Variants in TRAK2 observed in about 807,000 individuals in gnomAD.
TRAK2 encodes the protein trafficking kinesin-binding protein 2.
A neutral mutation model predicts 104.6 loss-of-function variants in TRAK2; 81 were observed. The ratio of observed to expected loss-of-function variants is 0.77; its 90% CI spans 0.65 to 0.93. The LOEUF is 0.93. Ranked by LOEUF, TRAK2 falls within the 40% of genes least tolerant of loss-of-function variation. The pLI is 0.00. For synonymous variants in TRAK2, 406 were observed against 394.4 expected (o/e 1.03, Z -0.35); for missense variants, 1,002 against 1,089.0 (o/e 0.92, Z 1.12).
chr2:201,406,552 CCAA>C (rs1951596530), intron 3 of TRAK2, among the ~76,000 whole-genome samples: 1 of 152,168 alleles, frequency 6.6e-6, no homozygotes. Flanking sequence ...TAGTCCTTCT[CCAA>C]CGACAATCTG....
chr2:201,451,189 T>C (rs957001241), intron 1 of TRAK2, among the ~76,000 whole-genome samples, 161 bp downstream of exon 1: 1 of 152,140 alleles, frequency 6.6e-6, no homozygotes, highest in East Asian at 1.9e-4. Flanking sequence ...AACCCACGCC[T>C]CACCGCGGGA....
At chr2:201,437,093 G>A (rs1951884644) in intron 1 of TRAK2, among the ~76,000 whole-genome samples, 2 of 152,284 alleles carry the variant, frequency 1.3e-5, no homozygotes, top group South Asian at 4.1e-4. Context: ...GTTACTTTTT[G>A]AGGGAGAATT....
Position 201,386,491 on chromosome 2 carries a change from A to G in TRAK2, c.1697-7T>C. ...TGATACAGAGTTTGTGATCCTGAAT[A>G]TGCAAAACAAAGGAAGGGGAAAGGC... On this transcript the variant is annotated splice_polypyrimidine_tract_variant and splice_region_variant and intron_variant, in intron 13 of 15. Transcript: ENST00000332624. 1 of 1,612,088 alleles carries G rather than the reference A, an allele frequency of 6.2e-7. No individual in the cohort carries two copies. Among genetic ancestry groups the G allele is most frequent in the Non-Finnish European group, 8.5e-7 (1 of 1,178,268 alleles).
At chr2:201,414,765 A>C (rs1210285295) in intron 2 of TRAK2, among the ~76,000 whole-genome samples, 1 of 152,094 alleles carries the variant, frequency 6.6e-6, no homozygotes, top group African/African-American at 2.4e-5. Context: ...AGAGATTGTC[A>C]TTTTAATACT....
At chr2:201,444,492 T>A (rs909123533) in intron 1 of TRAK2, among the ~76,000 whole-genome samples, 3 of 151,606 alleles carry the variant, frequency 2.0e-5, no homozygotes, top group African/African-American at 7.3e-5. Flanking sequence ...TCTCTCTTGT[T>A]CTCTATATGC....
At chr2:201,385,327 A>G (rs934188556) in intron 14 of TRAK2, among the ~76,000 whole-genome samples, 1 of 151,790 alleles carries the variant, frequency 6.6e-6, no homozygotes, top group Non-Finnish European at 1.5e-5. Flanking sequence ...GATACGACCA[A>G]TGCATTTAAT....
At chr2:201,418,705 T>C (rs915677603) in intron 2 of TRAK2, among the ~76,000 whole-genome samples, 6 of 152,018 alleles carry the variant, frequency 3.9e-5, no homozygotes, top group African/African-American at 1.4e-4. Context: ...CAATGAAATA[T>C]CCAATTGGAA....
In TRAK2 at chr2:201,386,258, G is replaced by T. The variant is rs1447565200; in HGVS notation, c.1923C>A (p.Ile641=). 6.2e-7 allele frequency: 1 copy of T among 1,614,050 alleles called. No homozygotes were observed. Among genetic ancestry groups the T allele is most frequent in the Non-Finnish European group, 8.5e-7 (1 of 1,180,016 alleles). The stretch of plus-strand genomic sequence containing the variant: ...CTGCTGAAGTAATGGGTGGCAGGAA[G>T]ATCCCTGTTACTGGCTTGGATGTTG... ...KLSTSKPVTG[I]FLPPITSAGG... The change falls in exon 14 of 16, where the codon ATC becomes ATA. Residue 641 remains isoleucine (I), a synonymous_variant. Coordinates refer to ENST00000332624, the MANE Select transcript of TRAK2 (RefSeq NM_015049.3).
At chr2:201,388,227 T>C (rs1368626162) in intron 12 of TRAK2, among the ~76,000 whole-genome samples, 1 of 152,242 alleles carries the variant, frequency 6.6e-6, no homozygotes, top group Non-Finnish European at 1.5e-5. Flanking sequence ...TAATACTTTA[T>C]TGATATTCTG....
At chr2:201,382,153 A>G (rs145140389) in intron 15 of TRAK2, among the ~76,000 whole-genome samples, 3 of 152,316 alleles carry the variant, frequency 2.0e-5, no homozygotes, top group African/African-American at 7.2e-5. Flanking sequence ...TACTTTTATA[A>G]TAATCAAATG....
chr2:201,395,314 T>C lies in TRAK2; in HGVS notation c.900A>G (p.Glu300=), dbSNP rs888238721. 1 of 1,601,930 alleles carries C rather than the reference T, an allele frequency of 6.2e-7. No individual in the cohort carries two copies. The highest frequency in any genetic ancestry group is 8.5e-7 in the Non-Finnish European group (1 of 1,170,910). The change falls in exon 8 of 16, where the codon GAA becomes GAG. Residue 300 remains glutamate (E), a splice_region_variant and synonymous_variant. Coordinates refer to ENST00000332624, the MANE Select transcript of TRAK2 (RefSeq NM_015049.3). ...QIVDLQHKLK[E]HVIEKEELKL... The stretch of plus-strand genomic sequence containing the variant: ...CTGTTGAATGAATGAATAAACCTAC[T>C]TCTTTAAGTTTGTGCTGAAGGTCTA...
chr2:201,404,151 T>C (rs1416643851), intron 3 of TRAK2, among the ~76,000 whole-genome samples: 1 of 152,206 alleles, frequency 6.6e-6, no homozygotes, highest in African/African-American at 2.4e-5. Context: ...TTAGACATTG[T>C]AATTAAATGC....
Position 201,387,993 on chromosome 2 carries a change from T to G in TRAK2, c.1406A>C (p.Gln469Pro). 1 of 1,614,122 alleles carries G rather than the reference T, an allele frequency of 6.2e-7. No homozygotes were observed. Among genetic ancestry groups the G allele is most frequent in the Non-Finnish European group, 8.5e-7 (1 of 1,180,010 alleles). The change falls in exon 13 of 16, where the codon CAG (glutamine) becomes CCG (proline). Residue 469 changes from glutamine to proline, a missense_variant. By Grantham distance (76) the Gln-to-Pro change is moderately conservative. Coordinates refer to ENST00000332624, the MANE Select transcript of TRAK2 (RefSeq NM_015049.3). Reference protein sequence around the residue: ...SSSEEVAGSSQKMGQPGPSGD... With the variant: ...SSSEEVAGSSPKMGQPGPSGD... ...TGAGGGTCCTGGTTGGCCCATCTTC[T>G]GGGAGCTCCTATAGGAAAATCGCGT...
rs1951640765 is a variant in TRAK2 at position 201,410,949 on chromosome 2, T to C, written c.92-3352A>G. On this transcript the variant is annotated intron_variant, in intron 2 of 15. Coordinates refer to ENST00000332624, the MANE Select transcript of TRAK2 (RefSeq NM_015049.3). ...CACTCCAACTGTGCTTGGACTACTG[T>C]AGAAGTTCTGGTTTGTAGTAACGGG... is the stretch of plus-strand genomic sequence containing the variant. The C allele has an allele frequency of 5.7e-6, 9 of 1,568,444 alleles. No individual in the cohort carries two copies. The Admixed American group carries it at 6.7e-5, about 12-fold the overall frequency.
chr2:201,392,902 T>C lies in TRAK2; in HGVS notation c.1113+7A>G, dbSNP rs369060693. On this transcript the variant is annotated splice_region_variant and intron_variant, in intron 10 of 15. Transcript: ENST00000332624. ...TTAAATACATAGCATCTTTCTTAGT[T>C]GCTTACCCCAGTAAAAGCTCCATAT... 11 of 1,605,948 alleles carry C rather than the reference T, an allele frequency of 6.8e-6. No individual in the cohort carries two copies. The highest frequency in any genetic ancestry group is 7.6e-6 in the Non-Finnish European group (9 of 1,177,318).
rs1951923335 is a variant in TRAK2, at chr2:201,441,564, TG to T, written c.-200+9785del. On this transcript the variant is annotated intron_variant, in intron 1 of 15. Coordinates refer to ENST00000332624, the MANE Select transcript of TRAK2 (RefSeq NM_015049.3). Reference sequence around the variant, plus strand: ...CTGAGAAAGTTAAGAATGGTTGAAATGTTTTTTTAGTTGTTAAATTACATGC... The same window carrying T: ...CTGAGAAAGTTAAGAATGGTTGAAATTTTTTTTAGTTGTTAAATTACATGC... Among the ~76,000 whole-genome samples, 3 of 152,170 alleles carry T rather than the reference TG, an allele frequency of 2.0e-5. 1 individual carries two copies. The South Asian group carries it at 6.2e-4, about 31-fold the overall frequency.
chr2:201,399,003 T>G (rs963615237), intron 5 of TRAK2, among the ~76,000 whole-genome samples: 3 of 152,180 alleles, frequency 2.0e-5, no homozygotes, highest in African/African-American at 7.2e-5. Context: ...TCTTTTTACT[T>G]TCTTCCTTTG....
At position 201,407,436 on chromosome 2, in the gene TRAK2, G is replaced by T. The variant is rs769618682; in HGVS notation, c.253C>A (p.Pro85Thr). 1 of 1,614,030 alleles carries T rather than the reference G, an allele frequency of 6.2e-7. No homozygotes were observed. The highest frequency in any genetic ancestry group is 8.5e-7 in the Non-Finnish European group (1 of 1,179,928). Residue 85 changes from proline (P) to threonine (T), a missense_variant, in exon 3 of 16, where the codon CCA becomes ACA. Physicochemically the swap from Pro to Thr is conservative, Grantham distance 38 (BLOSUM62 -1). Coordinates refer to ENST00000332624, the MANE Select transcript of TRAK2 (RefSeq NM_015049.3). ...CGGAAAGTCTCTTCAGCAAGGACTG[G>T]AGAGAGAGCATCAGATGCATGCTGC... ...QRQHASDALS[P>T]VLAEETFRYM...
At chr2:201,385,719 C>T (rs1951382547) in intron 14 of TRAK2, among the ~76,000 whole-genome samples, 1 of 152,154 alleles carries the variant, frequency 6.6e-6, no homozygotes, top group Admixed American at 6.5e-5. Flanking sequence ...AAGGCAGATG[C>T]TGATAATGAG....
Sources: allele counts gnomAD v4.1 joint callset (sites outside exome capture counted in the v4.1 genomes callset), GRCh38; gene constraint gnomAD v4.1.1; transcripts MANE v1.5; gene names NCBI Gene and HGNC (gene_info 2026-07-23, HGNC 2026-07-21).